The following PCDHGB2 variants were observed in gnomAD, a reference collection of about 807,000 sequenced individuals.
The protein encoded by PCDHGB2 is protocadherin gamma subfamily B, 2.
Under a neutral mutation model 59.3 loss-of-function variants are expected in PCDHGB2, and 55 were observed. The ratio of observed to expected loss-of-function variants is 0.93; its 90% CI spans 0.75 to 1.16. PCDHGB2 has a LOEUF of 1.16. Among genes scored for constraint, PCDHGB2 ranks in the 50% most tolerant of loss-of-function variants. The pLI, the probability that PCDHGB2 is intolerant of heterozygous loss-of-function variation, is 0.00. For missense variants in PCDHGB2, 1,228 were observed against 1,198.5 expected, an observed-to-expected ratio of 1.02 and a Z score of -0.36; for synonymous variants, 516 against 512.0, an observed-to-expected ratio of 1.01 and a Z score of -0.11.
intron 1 of PCDHGB2, chr5:141,392,821 C>G: frequency 6.3e-7 from 1 of 1,594,632 alleles, no homozygotes; most frequent in Non-Finnish European, 8.5e-7. Context: ...ACAATGGCCG[C>G]TCCACAGAGT....
In PCDHGB2 at chr5:141,361,702, G is replaced by A. The variant is rs999064726; in HGVS notation, c.1567G>A (p.Glu523Lys). Residue 523 changes from glutamate to lysine, a missense_variant, in exon 1 of 4, where the codon GAG becomes AAG. Physicochemically the swap from Glu to Lys is moderately conservative, Grantham distance 56 (BLOSUM62 1). This residue lies in a region of PCDHGB2 where 781 missense variants were observed against 721.6 expected (regional missense o/e 1.08). Coordinates refer to ENST00000522605, the MANE Select transcript of PCDHGB2 (RefSeq NM_018923.3). ...VVFAQRAFDH[E>K]QLRAFELTLQ... ...GTTCGCGCAGCGCGCCTTCGATCAT[G>A]AGCAGCTGCGCGCCTTCGAGCTCAC... is the stretch of plus-strand genomic sequence containing the variant. 1.2e-6 allele frequency: 2 copies of A among 1,613,332 alleles called. No individual in the cohort carries two copies. Among genetic ancestry groups the A allele is most frequent in the African/African-American group, 1.3e-5 (1 of 74,948 alleles).
At chr5:141,454,426 GAC>G (rs746508144) in intron 1 of PCDHGB2, among the ~76,000 whole-genome samples, 3 of 152,168 alleles carry the variant, frequency 2.0e-5, no homozygotes, top group Non-Finnish European at 2.9e-5. Context: ...TTTATTTAGA[GAC>G]AGAGTTTCAC....
intron 1 of PCDHGB2, among the ~76,000 whole-genome samples, chr5:141,462,361 T>C (rs1354253099): frequency 6.6e-6 from 1 of 152,282 alleles, no homozygotes; most frequent in Non-Finnish European, 1.5e-5. Flanking sequence ...ATACATTGTA[T>C]AGTTTCTATT....
At chr5:141,390,867 CGTGTGTGTGT>C (rs61319619) in intron 1 of PCDHGB2, 1 of 151,040 alleles carries the variant, frequency 6.6e-6, no homozygotes, top group African/African-American at 2.5e-5. Context: ...GCTGTGTGTG[CGTGTGTGTGT>C]GTGTGTGTGT....
At chr5:141,389,603 C>T (rs1166074538) in intron 1 of PCDHGB2, 2 of 1,613,148 alleles carry the variant, frequency 1.2e-6, no homozygotes, top group Admixed American at 1.7e-5. Context: ...CTGCGCTCTT[C>T]GATATGGTGC....
chr5:141,449,842 A>G (rs893220311), intron 1 of PCDHGB2, among the ~76,000 whole-genome samples: 4 of 151,700 alleles, frequency 2.6e-5, no homozygotes, highest in Non-Finnish European at 4.4e-5. Flanking sequence ...TTATATAATT[A>G]AATTTTAATA....
intron 1 of PCDHGB2, chr5:141,419,158 C>G (rs757849297): frequency 6.2e-7 from 1 of 1,613,950 alleles, no homozygotes; most frequent in South Asian, 1.1e-5. Context: ...CTCCGTTATC[C>G]TCCAGCAAAA....
chr5:141,369,246 A>G (rs1035336537), intron 1 of PCDHGB2, among the ~76,000 whole-genome samples: 3 of 152,210 alleles, frequency 2.0e-5, no homozygotes, highest in Non-Finnish European at 4.4e-5. Flanking sequence ...TTATATAATT[A>G]AATAATATAA....
chr5:141,405,261 T>TC, intron 1 of PCDHGB2: 1 of 1,613,852 alleles, frequency 6.2e-7, no homozygotes. Context: ...CACCTGATCT[T>TC]CCCCCAGCCC....
At chr5:141,470,059 G>A (rs1206799372) in intron 1 of PCDHGB2, among the ~76,000 whole-genome samples, 6 of 152,186 alleles carry the variant, frequency 3.9e-5, no homozygotes, top group African/African-American at 1.4e-4. Context: ...AACCCCGGAG[G>A]CAGAGACTGT....
chr5:141,389,785 A>ACGCCGTCCGCCAGCGCCTTCTGGT (rs780757695), intron 1 of PCDHGB2: 1 of 1,613,332 alleles, frequency 6.2e-7, no homozygotes, highest in South Asian at 1.1e-5. Flanking sequence ...GGCGACAGGG[A>ACGCCGTCCGCCAGCGCCTTCTGGT]CGCCGTCCGC....
At position 141,393,662 on chromosome 5, in the gene PCDHGB2, A is replaced by T. The variant is rs1442061423; in HGVS notation, c.2421+31106A>T. The T allele has an allele frequency of 8.7e-6, 14 of 1,613,816 alleles. No individual in the cohort carries two copies. In the Admixed American group the frequency reaches 2.3e-4, roughly 27 times the overall value. On this transcript the variant is annotated intron_variant, in intron 1 of 3. Transcript: ENST00000522605. ...GAAAAGTGGCATACAAATTCCGGAAAATTAATGAAAAACAAACTCCGTTAT... is the reference window on the plus strand; with the variant it reads ...GAAAAGTGGCATACAAATTCCGGAATATTAATGAAAAACAAACTCCGTTAT...
intron 1 of PCDHGB2, chr5:141,399,577 TC>T (rs1393975550): frequency 6.2e-7 from 1 of 1,613,972 alleles, no homozygotes; most frequent in Non-Finnish European, 8.5e-7. Flanking sequence ...CGGCCAAGTC[TC>T]CTACTCTATC....
intron 1 of PCDHGB2, chr5:141,365,429 G>A (rs781264093): frequency 1.2e-6 from 2 of 1,613,990 alleles, no homozygotes; most frequent in East Asian, 2.2e-5. Flanking sequence ...AACTGTAATC[G>A]CGCTGTTTAG....
In PCDHGB2 at chr5:141,432,361, G is replaced by A; in HGVS notation, c.2422-62446G>A. 1 of 1,614,230 alleles carries A rather than the reference G, an allele frequency of 6.2e-7. No individual in the cohort carries two copies. Among genetic ancestry groups the A allele is most frequent in the Non-Finnish European group, 8.5e-7 (1 of 1,180,050 alleles). On this transcript the variant is annotated intron_variant, in intron 1 of 3. Coordinates refer to ENST00000522605, the MANE Select transcript of PCDHGB2 (RefSeq NM_018923.3). The surrounding 1 kb of genome is among the most constrained non-coding windows in gnomAD (Gnocchi z 6.0). Reference sequence around the variant, plus strand: ...GAGACTTGCAAGTGAAAGTGATGGCGCGGGACAACGGGCACCCGCCCCTCA... The same window carrying A: ...GAGACTTGCAAGTGAAAGTGATGGCACGGGACAACGGGCACCCGCCCCTCA...
intron 1 of PCDHGB2, chr5:141,430,554 A>G (rs372392559): frequency 3.2e-5 from 13 of 411,906 alleles, no homozygotes; most frequent in Admixed American, 4.0e-5. Context: ...CTGTTCACCA[A>G]TCGGGGAGAG....
At chr5:141,383,630 T>A in intron 1 of PCDHGB2, 3 of 1,613,986 alleles carry the variant, frequency 1.9e-6, no homozygotes, top group Non-Finnish European at 1.7e-6. Context: ...GTCTTCTCTC[T>A]GCCTCAGTAC....
chr5:141,394,158 C>G lies in PCDHGB2; in HGVS notation c.2421+31602C>G, dbSNP rs777816337. 1.2e-5 allele frequency: 19 copies of G among 1,613,726 alleles called. No homozygotes were observed. The Admixed American group carries it at 2.0e-4, about 17-fold the overall frequency. On this transcript the variant is annotated intron_variant, in intron 1 of 3. Transcript: ENST00000522605. ...GCACGTGGCAGACATTAACGACAAC[C>G]CTCCTACTTTCCCTCATGCCTCCTA...
At chr5:141,441,494 ACCAGG>A (rs1325946941) in intron 1 of PCDHGB2, 1 of 170,360 alleles carries the variant, frequency 5.9e-6, no homozygotes, top group Non-Finnish European at 1.3e-5. Flanking sequence ...CTGGTTTTCT[ACCAGG>A]CCTCCTACGT....
Sources: gnomAD v4.1 joint callset for allele counts (sites outside exome capture counted in the v4.1 genomes callset) on GRCh38, gnomAD v4.1.1 for gene constraint, gnomAD v4.1.1 regional missense constraint, Gnocchi (gnomAD v3.1) non-coding constraint, MANE v1.5 for transcripts, NCBI Gene and HGNC (gene_info 2026-07-23, HGNC 2026-07-21) for gene names.